Variants in PHTF2 observed in about 807,000 individuals in gnomAD.
PHTF2 encodes protein PHTF2.
Under a neutral mutation model 101.2 loss-of-function variants are expected in PHTF2, and 60 were observed. The observed-to-expected ratio is 0.59, with a 90% CI of 0.48 to 0.73. The LOEUF (loss-of-function observed/expected upper bound fraction) is 0.73. Among genes scored for constraint, PHTF2 ranks in the 30% least tolerant of loss-of-function variants. PHTF2 has a pLI of 0.00. For missense variants in PHTF2, 747 were observed against 908.7 expected (o/e 0.82, Z 2.29); for synonymous variants, 311 against 307.3 (o/e 1.01, Z -0.13).
chr7:77,845,291 A>ATTGTT, intron 2 of PHTF2, among the ~76,000 whole-genome samples: 1 of 152,236 alleles, frequency 6.6e-6, no homozygotes, highest in Admixed American at 6.5e-5. Flanking sequence ...AGGTAAATAT[A>ATTGTT]TAAGAGAAGA....
chr7:77,915,043 C>T (rs1176629183), intron 9 of PHTF2, among the ~76,000 whole-genome samples: 1 of 150,658 alleles, frequency 6.6e-6, no homozygotes, highest in East Asian at 2.0e-4. Context: ...TCCCGAGTAG[C>T]TGGGACTACA....
At chr7:77,834,304 C>A (rs1346495848) in intron 1 of PHTF2, among the ~76,000 whole-genome samples, 4 of 132,866 alleles carry the variant, frequency 3.0e-5, no homozygotes, top group Admixed American at 1.5e-4. Context: ...CTGAGTGAGA[C>A]CTTGTCTCAA....
Position 77,893,072 on chromosome 7 carries a change from AATC to A in PHTF2, c.148-531_148-529del, listed in dbSNP as rs139613592. Among the ~76,000 whole-genome samples, 635 of 152,342 alleles carry A rather than the reference AATC, an allele frequency of 4.2e-3. 10 individuals carry two copies. Among genetic ancestry groups the A allele is most frequent in the African/African-American group, 0.015 (614 of 41,580 alleles). On this transcript the variant is annotated intron_variant, in intron 3 of 19. Coordinates refer to ENST00000416283, the Ensembl canonical transcript of PHTF2. ...CTAGGGCAGTGGTTTTCAACATCAG[AATC>A]ATCAAGAGGGATTTTAAAAAGTTTT...
intron 12 of PHTF2, among the ~76,000 whole-genome samples, chr7:77,937,150 C>G (rs1057060423): frequency 6.6e-5 from 10 of 151,602 alleles, no homozygotes; most frequent in Non-Finnish European, 1.5e-4. Flanking sequence ...GTAACTAAAT[C>G]AGATATTAAA....
chr7:77,893,259 C>G (rs904992957), intron 3 of PHTF2, among the ~76,000 whole-genome samples: 1 of 151,904 alleles, frequency 6.6e-6, no homozygotes, highest in East Asian at 1.9e-4. Context: ...CTCCTTTGAA[C>G]CTCCTCCCTC....
chr7:77,940,680 G>T, intron 15 of PHTF2, 21 bp downstream of exon 14: 1 of 1,561,022 alleles, frequency 6.4e-7, no homozygotes, highest in African/African-American at 1.4e-5. Context: ...AGTGATAAAA[G>T]TAGCTTTAAC....
chr7:77,862,109 T>G (rs931152703), intron 3 of PHTF2, among the ~76,000 whole-genome samples: 2 of 151,582 alleles, frequency 1.3e-5, no homozygotes, highest in African/African-American at 4.8e-5. Flanking sequence ...CACTCTTCCC[T>G]AGCAGTACCT....
intron 7 of PHTF2, among the ~76,000 whole-genome samples, chr7:77,907,072 G>A (rs888323673): frequency 6.6e-6 from 1 of 151,886 alleles, no homozygotes; most frequent in Non-Finnish European, 1.5e-5. Flanking sequence ...TGTATGCTGT[G>A]TACTATGTAG....
chr7:77,804,556 C>T lies in PHTF2; in HGVS notation c.-36+5585C>T, dbSNP rs142460668. On this transcript the variant is annotated intron_variant, in intron 1 of 19. Transcript: ENST00000416283. ...GGCCAGGCTGGTCTTGAACTCCTGA[C>T]CTCAGGTGATCCACCCACCTTGGCC... Among the ~76,000 whole-genome samples the T allele has an allele frequency of 9.8e-3, 1,491 of 152,254 alleles. 30 individuals are homozygous for T. The highest frequency in any genetic ancestry group is 0.033 in the African/African-American group (1,390 of 41,552).
In PHTF2 at chr7:77,922,959, T is replaced by C. The variant is rs373510917; in HGVS notation, c.1119+181T>C. On this transcript the variant is annotated intron_variant, in intron 11 of 19. Transcript: ENST00000416283. ...TTTAGGTTTACGTATTGCACATGTA[T>C]TGATAGATAGCCACACATTTGAGCT... The C allele has an allele frequency of 5.1e-5, 67 of 1,317,478 alleles. No individual in the cohort carries two copies. The African/African-American group carries it at 8.5e-4, about 17-fold the overall frequency. The allele number at this position is 1,317,478 out of a possible 1,614,324, so 81.6% of individuals were successfully genotyped here.
chr7:77,812,046 A>G (rs188152317), intron 1 of PHTF2, among the ~76,000 whole-genome samples: 4 of 152,350 alleles, frequency 2.6e-5, no homozygotes, highest in African/African-American at 9.6e-5. Context: ...GCATTCTTCA[A>G]ATACATTATT....
chr7:77,948,329 T>C (rs963242573), intron 16 of PHTF2, among the ~76,000 whole-genome samples: 4 of 152,014 alleles, frequency 2.6e-5, no homozygotes, highest in South Asian at 4.2e-4. Context: ...TATATATCAA[T>C]GTGGGAAGGC....
At chr7:77,864,431 A>C (rs941248421) in intron 3 of PHTF2, among the ~76,000 whole-genome samples, 10 of 152,204 alleles carry the variant, frequency 6.6e-5, no homozygotes, top group African/African-American at 2.2e-4. Flanking sequence ...TATGTGGTAT[A>C]AACTCTTTGC....
At chr7:77,884,885 C>T (rs998144023) in intron 3 of PHTF2, among the ~76,000 whole-genome samples, 6 of 150,400 alleles carry the variant, frequency 4.0e-5, no homozygotes, top group South Asian at 4.2e-4. Context: ...GGTGACAAAG[C>T]GAGACTTCGT....
intron 12 of PHTF2, among the ~76,000 whole-genome samples, chr7:77,937,452 TATG>T (rs1272548039): frequency 1.3e-5 from 2 of 152,188 alleles, no homozygotes; most frequent in African/African-American, 4.8e-5. Context: ...TGTAACTTCT[TATG>T]ATATCTGTTC....
chr7:77,910,153 G>A, intron 8 of PHTF2, 92 bp from the exon 8 acceptor site: 3 of 950,248 alleles, frequency 3.2e-6, no homozygotes, highest in Non-Finnish European at 4.7e-6. Flanking sequence ...AAGTTCCTGT[G>A]TTTATGTTTT....
intron 3 of PHTF2, among the ~76,000 whole-genome samples, chr7:77,864,389 T>C (rs927705648): frequency 1.3e-5 from 2 of 152,258 alleles, no homozygotes; most frequent in Non-Finnish European, 2.9e-5. Context: ...TTGTCACTTA[T>C]CTTTTTAACA....
chr7:77,915,164 C>T (rs888264643), intron 9 of PHTF2, among the ~76,000 whole-genome samples: 2 of 151,940 alleles, frequency 1.3e-5, no homozygotes, highest in Admixed American at 6.6e-5. Context: ...CTGCTTTGGC[C>T]TCCCAAAGTG....
intron 1 of PHTF2, among the ~76,000 whole-genome samples, chr7:77,834,012 TAG>T (rs1795256457): frequency 6.6e-6 from 1 of 152,060 alleles, no homozygotes; most frequent in Non-Finnish European, 1.5e-5. Context: ...TTAATACAAT[TAG>T]AGGGTTTATT....
Sources: gnomAD v4.1 joint callset for allele counts (sites outside exome capture counted in the v4.1 genomes callset) on GRCh38, gnomAD v4.1.1 for gene constraint, MANE v1.5 for transcripts, NCBI Gene and HGNC (gene_info 2026-07-23, HGNC 2026-07-21) for gene names.